Variants in MAML2 observed in about 807,000 individuals in gnomAD.
MAML2 encodes mastermind-like protein 2.
MAML2 carries 22 observed loss-of-function variants against 96.1 expected under a neutral mutation model. The ratio of observed to expected loss-of-function variants is 0.23; its 90% confidence interval spans 0.16 to 0.33. The LOEUF is 0.33. Among genes scored for constraint, MAML2 ranks in the 10% least tolerant of loss-of-function variants. The pLI, the probability that MAML2 is intolerant of heterozygous loss-of-function variation, is 1.00. For missense variants in MAML2, 1,367 were observed against 1,392.4 expected, an observed-to-expected ratio of 0.98 and a Z score of 0.29; for synonymous variants, 561 against 521.3, an observed-to-expected ratio of 1.08 and a Z score of -1.04.
At chr11:96,151,425 G>C (rs1357462964) in intron 1 of MAML2, among the ~76,000 whole-genome samples, 7 of 152,206 alleles carry the variant, frequency 4.6e-5, no homozygotes, top group African/African-American at 1.7e-4. Context: ...AGCTCCTGAA[G>C]GGCAGAAACT....
At chr11:96,194,354 G>A (rs1328431553) in intron 1 of MAML2, among the ~76,000 whole-genome samples, 1 of 152,130 alleles carries the variant, frequency 6.6e-6, no homozygotes, top group Admixed American at 6.5e-5. Context: ...ATAAAGTAAA[G>A]GTGAGTGTTT....
Position 96,342,605 on chromosome 11 carries a change from A to G in MAML2, c.-710T>C, listed in dbSNP as rs1864014282. 1 of 393,264 alleles carries G rather than the reference A, an allele frequency of 2.5e-6. No homozygotes were observed. Among genetic ancestry groups the G allele is most frequent in the Non-Finnish European group, 4.5e-6 (1 of 223,310 alleles). The allele number at this position is 393,264 out of a possible 1,614,324, so 24.4% of individuals were successfully genotyped here. A position where few individuals can be genotyped will look rare whatever the true frequency, so the allele number is the denominator to read the frequency against. On this transcript the variant is annotated 5_prime_UTR_variant, in exon 1 of 5. Transcript: ENST00000524717. ...TTTCTCCTCTTTGGGGTACTGTAGG[A>G]TGTTGTCTTCTCCCAAAAGAGGGAG... is the stretch of plus-strand genomic sequence containing the variant.
At chr11:96,154,124 A>G (rs1283021296) in intron 1 of MAML2, among the ~76,000 whole-genome samples, 7 of 152,052 alleles carry the variant, frequency 4.6e-5, no homozygotes, top group Admixed American at 4.6e-4. Flanking sequence ...TACTTTAACA[A>G]AGCTTCTCAA....
intron 1 of MAML2, among the ~76,000 whole-genome samples, chr11:96,259,463 C>CT (rs1862718326): frequency 2.0e-5 from 3 of 151,976 alleles, no homozygotes; most frequent in Admixed American, 6.5e-5. Context: ...AAGTGAAAAA[C>CT]TTGTCTCCAT....
chr11:96,115,569 C>T (rs1296126128), intron 1 of MAML2, among the ~76,000 whole-genome samples: 1 of 152,008 alleles, frequency 6.6e-6, no homozygotes, highest in African/African-American at 2.4e-5. Flanking sequence ...CTGTTACCTC[C>T]TGCAGGGTCT....
chr11:96,295,666 C>G (rs1351884890), intron 1 of MAML2, among the ~76,000 whole-genome samples: 1 of 142,438 alleles, frequency 7.0e-6, no homozygotes, highest in East Asian at 2.0e-4. Context: ...CAAATTACTA[C>G]TGCTCTGCTG....
chr11:96,249,072 G>A (rs1400977536), intron 1 of MAML2, among the ~76,000 whole-genome samples: 5 of 152,214 alleles, frequency 3.3e-5, no homozygotes, highest in African/African-American at 1.2e-4. Context: ...ACTTTCACCT[G>A]ACTCAGTGAT....
In MAML2 at chr11:96,184,643, G is replaced by A. The variant is rs532072822; in HGVS notation, c.514-91126C>T. ...CTCACTCTGTTTCCCAGGCTGGAGTGCGGTGGCGCTGTCTGGGCTCACTGC... is the reference window on the plus strand; with the variant it reads ...CTCACTCTGTTTCCCAGGCTGGAGTACGGTGGCGCTGTCTGGGCTCACTGC... On this transcript the variant is annotated intron_variant, in intron 1 of 4. Coordinates refer to ENST00000524717, the MANE Select transcript of MAML2 (RefSeq NM_032427.4). Among the ~76,000 whole-genome samples the A allele has an allele frequency of 2.1e-5, 3 of 143,288 alleles. No homozygotes were observed. In the East Asian group the frequency reaches 6.2e-4, roughly 30 times the overall value. 94.0% of individuals were successfully genotyped at this position (143,288 alleles called of 152,430 possible).
At chr11:96,187,844 A>T (rs916124787) in intron 1 of MAML2, among the ~76,000 whole-genome samples, 1 of 151,778 alleles carries the variant, frequency 6.6e-6, no homozygotes, top group African/African-American at 2.4e-5. Context: ...ATGTCCACCT[A>T]TTACTGTTCT....
chr11:96,306,599 A>G (rs969494354), intron 1 of MAML2, among the ~76,000 whole-genome samples: 2 of 152,226 alleles, frequency 1.3e-5, no homozygotes, highest in Non-Finnish European at 2.9e-5. Context: ...TTTTGCCAAT[A>G]CTAGGGGTAA....
chr11:96,279,849 C>T (rs1399077311), intron 1 of MAML2, among the ~76,000 whole-genome samples: 4 of 152,084 alleles, frequency 2.6e-5, no homozygotes, highest in African/African-American at 9.7e-5. Context: ...GTGTCTGTGT[C>T]CCTGGATGAA....
chr11:96,300,359 T>A lies in MAML2; in HGVS notation c.513+41024A>T, dbSNP rs187043173. On this transcript the variant is annotated intron_variant, in intron 1 of 4. Coordinates refer to ENST00000524717, the MANE Select transcript of MAML2 (RefSeq NM_032427.4). Reference sequence around the variant, plus strand: ...TCAGAGCCTGGAAGTGACCTGAATATAGCAGACAGCTACGACAAAACATGT... The same window carrying A: ...TCAGAGCCTGGAAGTGACCTGAATAAAGCAGACAGCTACGACAAAACATGT... 6.4e-3 allele frequency among the ~76,000 whole-genome samples: 972 copies of A among 152,286 alleles called. 18 individuals are homozygous for A. Among genetic ancestry groups the A allele is most frequent in the African/African-American group, 0.022 (910 of 41,548 alleles).
intron 1 of MAML2, among the ~76,000 whole-genome samples, chr11:96,142,403 A>G (rs1860749263): frequency 6.6e-6 from 1 of 152,104 alleles, no homozygotes; most frequent in Non-Finnish European, 1.5e-5. Context: ...TCCCTGTTAA[A>G]CTGGTATGAC....
intron 2 of MAML2, among the ~76,000 whole-genome samples, chr11:96,081,923 T>C (rs1207994722): frequency 6.6e-6 from 1 of 152,260 alleles, no homozygotes; most frequent in Non-Finnish European, 1.5e-5. Context: ...TATTTTATAT[T>C]AAAATTCATA....
At chr11:96,070,902 T>C (rs1859334778) in intron 2 of MAML2, among the ~76,000 whole-genome samples, 1 of 152,266 alleles carries the variant, frequency 6.6e-6, no homozygotes, top group African/African-American at 2.4e-5. Flanking sequence ...ATCTCATGGG[T>C]ACTAACTACA....
intron 1 of MAML2, among the ~76,000 whole-genome samples, chr11:96,339,365 G>C (rs1214965431): frequency 6.6e-6 from 1 of 152,144 alleles, no homozygotes; most frequent in South Asian, 2.1e-4. Flanking sequence ...GACCACTAAA[G>C]TTGGTTTCAT....
intron 2 of MAML2, among the ~76,000 whole-genome samples, chr11:96,018,200 G>A (rs1858384857): frequency 6.6e-6 from 1 of 152,182 alleles, no homozygotes; most frequent in East Asian, 1.9e-4. Flanking sequence ...GAAAGACTGT[G>A]AAACAGTTTT....
rs143690178 is a variant in MAML2, at chr11:96,210,379, G to A, written c.514-116862C>T. On this transcript the variant is annotated intron_variant, in intron 1 of 4. Coordinates refer to ENST00000524717, the MANE Select transcript of MAML2 (RefSeq NM_032427.4). Reference sequence around the variant, plus strand: ...CCACCTCGGCCTCCCAAAGTGCTGGGATTACAGGCATGAGCCACTGTGCCC... The same window carrying A: ...CCACCTCGGCCTCCCAAAGTGCTGGAATTACAGGCATGAGCCACTGTGCCC... 8.5e-5 allele frequency among the ~76,000 whole-genome samples: 13 copies of A among 152,270 alleles called. No individual in the cohort carries two copies. The East Asian group carries it at 2.1e-3, about 25-fold the overall frequency.
At chr11:96,052,199 C>T (rs17233969) in intron 2 of MAML2, among the ~76,000 whole-genome samples, 18,311 of 152,070 alleles carry the variant, frequency 0.12, 1,427 homozygotes, top group Non-Finnish European at 0.17. Flanking sequence ...TTGTTAAGTG[C>T]TTGTTGGGTG....
Sources: gnomAD v4.1 joint callset for allele counts (sites outside exome capture counted in the v4.1 genomes callset) on GRCh38, gnomAD v4.1.1 for gene constraint, MANE v1.5 for transcripts, NCBI Gene and HGNC (gene_info 2026-07-23, HGNC 2026-07-21) for gene names.